The following MPZL1 variants were observed in gnomAD, a reference collection of about 807,000 sequenced individuals.
MPZL1 encodes the protein myelin protein zero like 1.
A neutral mutation model predicts 29.3 loss-of-function variants in MPZL1; 16 were observed. That is an observed-to-expected ratio of 0.55 (90% CI 0.37 to 0.83). The LOEUF (loss-of-function observed/expected upper bound fraction) is 0.83. MPZL1 is among the 40% of genes least tolerant of loss of function. MPZL1 has a pLI of 0.00. For missense variants in MPZL1, 279 were observed against 332.9 expected (o/e 0.84, Z 1.26); for synonymous variants, 143 against 132.0 (o/e 1.08, Z -0.57).
At chr1:167,743,612 G>A (rs924642843) in intron 1 of MPZL1, among the ~76,000 whole-genome samples, 2 of 142,686 alleles carry the variant, frequency 1.4e-5, no homozygotes, top group Non-Finnish European at 3.2e-5. Flanking sequence ...TTGTAGAAGT[G>A]TTTCACCTCC....
In MPZL1 at chr1:167,739,267, A is replaced by C. The variant is rs1660451170; in HGVS notation, c.91+17025A>C. ...CAAAGGGACTAATACATACACATACATATATACATATATACATATATATAT... is the reference window on the plus strand; with the variant it reads ...CAAAGGGACTAATACATACACATACCTATATACATATATACATATATATAT... On this transcript the variant is annotated intron_variant, in intron 1 of 5. Coordinates refer to ENST00000359523, the MANE Select transcript of MPZL1 (RefSeq NM_003953.6). Among the ~76,000 whole-genome samples, 3 of 98,194 alleles carry C rather than the reference A, an allele frequency of 3.1e-5. No homozygotes were observed. The South Asian group carries it at 9.1e-4, about 30-fold the overall frequency. 64.4% of individuals were successfully genotyped at this position (98,194 alleles called of 152,430 possible). A position where few individuals can be genotyped will look rare whatever the true frequency, so the allele number is the denominator to read the frequency against.
intron 4 of MPZL1, chr1:167,774,527 A>G (rs1196823487): frequency 1.3e-5 from 2 of 152,278 alleles, no homozygotes; most frequent in Non-Finnish European, 2.9e-5. Flanking sequence ...CCCCCCTTGC[A>G]TGGTGAGTGT....
chr1:167,748,373 T>C (rs746966139), intron 1 of MPZL1, among the ~76,000 whole-genome samples: 11 of 152,336 alleles, frequency 7.2e-5, no homozygotes, highest in Admixed American at 3.3e-4. Flanking sequence ...GGTTCTAATA[T>C]GCCTTTTTGC....
rs182354294 is a variant in MPZL1, at chr1:167,730,429, C to T, written c.91+8187C>T. On this transcript the variant is annotated intron_variant, in intron 1 of 5. Transcript: ENST00000359523. Reference sequence around the variant, plus strand: ...TAATAGCTGGGATTACAGGTGCCTGCCACCACACCTGGCTAATTTTTGTGT... The same window carrying T: ...TAATAGCTGGGATTACAGGTGCCTGTCACCACACCTGGCTAATTTTTGTGT... Among the ~76,000 whole-genome samples the T allele has an allele frequency of 3.5e-3, 537 of 152,234 alleles. 2 individuals carry two copies. Among genetic ancestry groups the T allele is most frequent in the Non-Finnish European group, 5.9e-3 (404 of 68,010 alleles).
chr1:167,744,092 C>T (rs1482437608), intron 1 of MPZL1, among the ~76,000 whole-genome samples: 1 of 152,008 alleles, frequency 6.6e-6, no homozygotes, highest in Non-Finnish European at 1.5e-5. Context: ...GACAGGCATT[C>T]TAAGCCCTTT....
At chr1:167,785,477 T>A (rs1243550440) in intron 5 of MPZL1, among the ~76,000 whole-genome samples, 1 of 152,182 alleles carries the variant, frequency 6.6e-6, no homozygotes, top group African/African-American at 2.4e-5. Flanking sequence ...TCAGAGCTGA[T>A]CACAAGATCA....
chr1:167,767,197 A>G (rs1200977118), intron 2 of MPZL1, among the ~76,000 whole-genome samples: 4 of 152,394 alleles, frequency 2.6e-5, no homozygotes, highest in Non-Finnish European at 5.9e-5. Context: ...GAATCCATAC[A>G]GATACCATGG....
chr1:167,731,500 G>A (rs931169499), intron 1 of MPZL1, among the ~76,000 whole-genome samples: 8 of 148,336 alleles, frequency 5.4e-5, no homozygotes, highest in Non-Finnish European at 1.0e-4. Flanking sequence ...GCAGTGGCGC[G>A]ATCTCGGCTC....
intron 2 of MPZL1, among the ~76,000 whole-genome samples, chr1:167,766,656 G>A (rs1379132962): frequency 2.0e-5 from 3 of 152,166 alleles, no homozygotes; most frequent in African/African-American, 7.2e-5. Context: ...TCTTCTGAAT[G>A]GTGAGTTACA....
intron 1 of MPZL1, among the ~76,000 whole-genome samples, chr1:167,761,604 T>C (rs1294350928): frequency 6.6e-6 from 1 of 152,088 alleles, no homozygotes; most frequent in Non-Finnish European, 1.5e-5. Context: ...AGTGGAAATT[T>C]GAGGTTAGAG....
chr1:167,770,118 T>C (rs12757250), intron 2 of MPZL1, among the ~76,000 whole-genome samples: 7,359 of 152,212 alleles, frequency 0.048, 251 homozygotes, highest in Non-Finnish European at 0.071. Context: ...GGGGACGCTA[T>C]TGATGGAGAG....
At chr1:167,754,595 G>T (rs924225248) in intron 1 of MPZL1, among the ~76,000 whole-genome samples, 2 of 152,250 alleles carry the variant, frequency 1.3e-5, no homozygotes, top group Non-Finnish European at 2.9e-5. Context: ...GTTCATGCAT[G>T]TGCACTAATA....
At chr1:167,758,145 T>C (rs6702242) in intron 1 of MPZL1, among the ~76,000 whole-genome samples, 32,277 of 150,342 alleles carry the variant, frequency 0.21, 3,807 homozygotes, top group East Asian at 0.36. Context: ...CAGAGCAAGA[T>C]TCTTGTCTCA....
intron 2 of MPZL1, among the ~76,000 whole-genome samples, chr1:167,768,175 A>G (rs76970556): frequency 0.013 from 1,973 of 152,270 alleles, 44 homozygotes; most frequent in African/African-American, 0.045. Flanking sequence ...ACTGCAGGTT[A>G]TCAGGAACCT....
intron 1 of MPZL1, among the ~76,000 whole-genome samples, chr1:167,764,781 A>G (rs763929112): frequency 1.4e-4 from 21 of 152,064 alleles, no homozygotes; most frequent in Non-Finnish European, 2.2e-4. Context: ...TGGTACATCC[A>G]TACAATTTGT....
At chr1:167,756,691 C>T (rs1201374363) in intron 1 of MPZL1, among the ~76,000 whole-genome samples, 4 of 152,104 alleles carry the variant, frequency 2.6e-5, no homozygotes, top group African/African-American at 9.7e-5. Context: ...ATATTGTATT[C>T]TTTATTTATT....
intron 1 of MPZL1, among the ~76,000 whole-genome samples, chr1:167,743,810 A>C (rs532478574): frequency 7.9e-5 from 12 of 152,036 alleles, no homozygotes; most frequent in South Asian, 2.1e-4. Flanking sequence ...TTTCTGGAGG[A>C]GTCTTTAGGG....
chr1:167,745,409 G>GA (rs1660624655), intron 1 of MPZL1, among the ~76,000 whole-genome samples: 1 of 152,050 alleles, frequency 6.6e-6, no homozygotes, highest in Non-Finnish European at 1.5e-5. Flanking sequence ...CTAATGTCAA[G>GA]AATGTTTTTG....
In MPZL1 at chr1:167,787,968, A is replaced by G. The variant is rs1661623728; in HGVS notation, c.*47A>G. The G allele has an allele frequency of 2.7e-6, 4 of 1,497,078 alleles. No homozygotes were observed. The highest frequency in any genetic ancestry group is 3.7e-6 in the Non-Finnish European group (4 of 1,075,176). The allele number at this position is 1,497,078 out of a possible 1,614,324, so 92.7% of individuals were successfully genotyped here. On this transcript the variant is annotated 3_prime_UTR_variant, in exon 6 of 6. Coordinates refer to ENST00000359523, the MANE Select transcript of MPZL1 (RefSeq NM_003953.6). ...TCAGCAAGAAACAAAACCAAACTGG[A>G]CTCTCGTGCAGAAAATGTAGCCCAT... is the stretch of plus-strand genomic sequence containing the variant.
Sources: allele counts gnomAD v4.1 joint callset (sites outside exome capture counted in the v4.1 genomes callset), GRCh38; gene constraint gnomAD v4.1.1; transcripts MANE v1.5; gene names NCBI Gene and HGNC (gene_info 2026-07-23, HGNC 2026-07-21).